The following RAB26 variants were observed in gnomAD, a reference collection of about 807,000 sequenced individuals.
The protein encoded by RAB26 is ras-related protein Rab-26.
A neutral mutation model predicts 33.1 loss-of-function variants in RAB26; 39 were observed. The observed-to-expected ratio is 1.18, with a 90% CI of 0.91 to 1.54. The LOEUF (loss-of-function observed/expected upper bound fraction) is 1.54. Ranked by LOEUF, RAB26 falls within the 40% of genes most tolerant of loss-of-function variation. The pLI, the probability that RAB26 is intolerant of heterozygous loss-of-function variation, is 0.00. For missense variants in RAB26, 468 were observed against 362.9 expected, an observed-to-expected ratio of 1.29 and a Z score of -2.35; for synonymous variants, 192 against 151.9, an observed-to-expected ratio of 1.26 and a Z score of -1.94.
chr16:2,153,135 G>C lies in RAB26; in HGVS notation c.592-11G>C, dbSNP rs1296136673. 2 of 1,613,740 alleles carry C rather than the reference G, an allele frequency of 1.2e-6. No homozygotes were observed. Among genetic ancestry groups the C allele is most frequent in the Non-Finnish European group, 1.7e-6 (2 of 1,180,026 alleles). ...CCAGGCCACCACCTGGCTGGCAGCAGCTGTTTACAGGAGTATGGACTGCCC... is the reference window on the plus strand; with the variant it reads ...CCAGGCCACCACCTGGCTGGCAGCACCTGTTTACAGGAGTATGGACTGCCC... On this transcript the variant is annotated splice_polypyrimidine_tract_variant and intron_variant, in intron 7 of 8. Transcript: ENST00000210187.
At chr16:2,149,297 G>C (rs1198398530) in intron 1 of RAB26, among the ~76,000 whole-genome samples, 1 of 148,942 alleles carries the variant, frequency 6.7e-6, no homozygotes, top group Non-Finnish European at 1.5e-5. Flanking sequence ...CCCAGCGGCT[G>C]TGGGCCTTTT....
intron 2 of RAB26, 121 bp downstream of exon 2, chr16:2,150,172 C>A: frequency 1.2e-6 from 1 of 865,936 alleles, no homozygotes; most frequent in African/African-American, 1.8e-5. Context: ...CTGCCTGCCT[C>A]GACCTTCCAA....
chr16:2,153,071 G>A (rs916842082), intron 7 of RAB26, 26 bp downstream of exon 7: 3 of 1,611,698 alleles, frequency 1.9e-6, no homozygotes, highest in Non-Finnish European at 2.5e-6. Context: ...GGGGTGGTGA[G>A]GGGGTGCCCC....
chr16:2,150,393 C>T (rs2093000903), intron 2 of RAB26, among the ~76,000 whole-genome samples: 1 of 152,182 alleles, frequency 6.6e-6, no homozygotes, highest in African/African-American at 2.4e-5. Context: ...AGCACATGCT[C>T]CCTGCAGAGC....
intron 1 of RAB26, 135 bp downstream of exon 1, chr16:2,149,113 C>G: frequency 1.1e-6 from 1 of 909,114 alleles, no homozygotes; most frequent in Non-Finnish European, 1.4e-6. Flanking sequence ...CCCCGTGGGG[C>G]TTGCACGGTG....
Position 2,153,050 on chromosome 16 carries a change from G to A in RAB26, c.591+5G>A, listed in dbSNP as rs369784288. ...GACGGGGAGAAGCTGGCCAAGGTGAGTCAGGGCAGGGGGGTGGTGAGGGGG... is the reference window on the plus strand; with the variant it reads ...GACGGGGAGAAGCTGGCCAAGGTGAATCAGGGCAGGGGGGTGGTGAGGGGG... On this transcript the variant is annotated splice_donor_5th_base_variant and intron_variant, in intron 7 of 8. Coordinates refer to ENST00000210187, the MANE Select transcript of RAB26 (RefSeq NM_014353.5). 117 of 1,608,324 alleles carry A rather than the reference G, an allele frequency of 7.3e-5. No homozygotes were observed. Among genetic ancestry groups the A allele is most frequent in the Non-Finnish European group, 9.4e-5 (110 of 1,176,098 alleles).
chr16:2,149,130 G>A, intron 1 of RAB26, 152 bp downstream of exon 1: 1 of 765,130 alleles, frequency 1.3e-6, no homozygotes, highest in Non-Finnish European at 1.8e-6. Flanking sequence ...GGTGCATCGT[G>A]CACACACAGC....
intron 5 of RAB26, 101 bp from the exon 6 acceptor site, chr16:2,152,716 AGAT>A (rs2093009612): frequency 6.7e-6 from 5 of 748,116 alleles, no homozygotes; most frequent in South Asian, 2.1e-5. Context: ...AAAAAAAAAA[AGAT>A]AAAGACAGGT....
At chr16:2,149,094 C>G (rs2092995957) in intron 1 of RAB26, 116 bp downstream of exon 1, 1 of 1,057,588 alleles carries the variant, frequency 9.5e-7, no homozygotes, top group African/African-American at 1.7e-5. Flanking sequence ...GGAGCCGACG[C>G]GGGAGGAACC....
intron 2 of RAB26, 71 bp from the exon 3 acceptor site, chr16:2,151,498 G>T: frequency 6.2e-7 from 1 of 1,606,194 alleles, no homozygotes; most frequent in Non-Finnish European, 8.5e-7. Context: ...GGGACAGGAA[G>T]GCAGTGAAGC....
chr16:2,149,004 C>T lies in RAB26; in HGVS notation c.195+26C>T, dbSNP rs1024650276. 8.7e-6 allele frequency: 11 copies of T among 1,267,566 alleles called. No homozygotes were observed. The African/African-American group carries it at 1.2e-4, about 14-fold the overall frequency. The allele number at this position is 1,267,566 out of a possible 1,614,324, so 78.5% of individuals were successfully genotyped here. A position where few individuals can be genotyped will look rare whatever the true frequency, so the allele number is the denominator to read the frequency against. Reference sequence around the variant, plus strand: ...GTGAGCCAGGCACCCGCCCCCCAGGCCAGCGCAGCAGGTGGCGCCCGGCCT... The same window carrying T: ...GTGAGCCAGGCACCCGCCCCCCAGGTCAGCGCAGCAGGTGGCGCCCGGCCT... On this transcript the variant is annotated intron_variant, in intron 1 of 8. Transcript: ENST00000210187.
Position 2,153,463 on chromosome 16 carries a change from C to A in RAB26, c.*42C>A, listed in dbSNP as rs754109725. 1 of 1,582,548 alleles carries A rather than the reference C, an allele frequency of 6.3e-7. No homozygotes were observed. Among genetic ancestry groups the A allele is most frequent in the Non-Finnish European group, 8.7e-7 (1 of 1,153,710 alleles). ...TCCTCTGGAGGAAGCCGTCCAGTCC[C>A]TAGAAGGCTGGACAGAGGGTCTCCA... On this transcript the variant is annotated 3_prime_UTR_variant, in exon 9 of 9. Coordinates refer to ENST00000210187, the MANE Select transcript of RAB26 (RefSeq NM_014353.5).
intron 4 of RAB26, 27 bp from the exon 5 acceptor site, chr16:2,151,829 G>T (rs1428511136): frequency 1.9e-6 from 3 of 1,614,022 alleles, no homozygotes; most frequent in Non-Finnish European, 2.5e-6. Flanking sequence ...GGTGATGGTG[G>T]ATGTCCTCAC....
intron 2 of RAB26, among the ~76,000 whole-genome samples, chr16:2,150,639 C>T (rs1451463482): frequency 6.6e-6 from 1 of 152,248 alleles, no homozygotes; most frequent in Non-Finnish European, 1.5e-5. Context: ...GGTTCCAAGT[C>T]CCCTCAAGTC....
At chr16:2,149,284 C>T (rs1466038333) in intron 1 of RAB26, among the ~76,000 whole-genome samples, 2 of 151,556 alleles carry the variant, frequency 1.3e-5, no homozygotes, top group African/African-American at 2.4e-5. Flanking sequence ...TGCCCTCCCT[C>T]AACCCAGCGG....
rs1189599004 is a variant in RAB26 at position 2,153,728 on chromosome 16, A to AGGGCTG, written c.*315_*320dup. ...CCTCCTGGGCACGTCCAGGTGAGGG[A>AGGGCTG]GGGCTGGGGCTGGCACCACGCACAG... On this transcript the variant is annotated 3_prime_UTR_variant, in exon 9 of 9. Transcript: ENST00000210187. 13 of 570,866 alleles carry AGGGCTG rather than the reference A, an allele frequency of 2.3e-5. No individual in the cohort carries two copies. The East Asian group carries it at 3.6e-4, about 16-fold the overall frequency. The allele number at this position is 570,866 out of a possible 1,614,324, so 35.4% of individuals were successfully genotyped here.
At position 2,153,380 on chromosome 16, in the gene RAB26, G is replaced by T. The variant is rs571395871; in HGVS notation, c.730G>T (p.Val244Phe). 7 of 1,613,530 alleles carry T rather than the reference G, an allele frequency of 4.3e-6. No individual in the cohort carries two copies. The highest frequency in any genetic ancestry group is 3.3e-5 in the South Asian group (3 of 91,086). Residue 244 changes from valine (V) to phenylalanine (F), a missense_variant, in exon 9 of 9, where the codon GTT becomes TTT. Val to Phe is a conservative substitution (Grantham distance 50). Transcript: ENST00000210187. ...GCCGCGCTTCCGGCTGCATGATTACGTTAAGAGGGAGGGTCGAGGGGCCTC... is the reference window on the plus strand; with the variant it reads ...GCCGCGCTTCCGGCTGCATGATTACTTTAAGAGGGAGGGTCGAGGGGCCTC... The part of the protein sequence containing the change: ...SEPRFRLHDY[V>F]KREGRGASCC...
At chr16:2,150,534 T>C (rs2093001592) in intron 2 of RAB26, among the ~76,000 whole-genome samples, 1 of 147,860 alleles carries the variant, frequency 6.8e-6, no homozygotes, top group Non-Finnish European at 1.5e-5. Context: ...AATCTTAAAT[T>C]TGCATTTTTC....
chr16:2,151,034 T>A (rs1442200163), intron 2 of RAB26: 1 of 349,038 alleles, frequency 2.9e-6, no homozygotes, highest in Non-Finnish European at 5.7e-6. Context: ...GCCAGGCAGT[T>A]CTGGGATCTG....
Sources: allele counts gnomAD v4.1 joint callset (sites outside exome capture counted in the v4.1 genomes callset), GRCh38; gene constraint gnomAD v4.1.1; transcripts MANE v1.5; gene names NCBI Gene and HGNC (gene_info 2026-07-23, HGNC 2026-07-21).